BTBD7: variants seen among roughly 807,000 people sequenced by gnomAD.
BTBD7 encodes BTB/POZ domain-containing protein 7.
BTBD7 carries 38 observed loss-of-function variants against 99.9 expected under a neutral mutation model. That is an observed-to-expected ratio of 0.38 (90% CI 0.29 to 0.50). BTBD7 has a LOEUF of 0.50. BTBD7 is among the 20% of genes least tolerant of loss of function. The pLI is 0.93. For missense variants in BTBD7, 1,170 were observed against 1,394.6 expected (o/e 0.84, Z 2.57); for synonymous variants, 520 against 511.4 (o/e 1.02, Z -0.23).
At chr14:93,259,259 T>C (rs756932950) in intron 5 of BTBD7, among the ~76,000 whole-genome samples, 1 of 152,192 alleles carries the variant, frequency 6.6e-6, no homozygotes, top group African/African-American at 2.4e-5. Context: ...CCAACAGCAC[T>C]GTAACTCACG....
intron 1 of BTBD7, among the ~76,000 whole-genome samples, chr14:93,303,586 A>G (rs774549635): frequency 6.6e-6 from 1 of 152,384 alleles, no homozygotes; most frequent in East Asian, 1.9e-4. Context: ...CTACATCTTA[A>G]AAGATGTTAA....
intron 1 of BTBD7, among the ~76,000 whole-genome samples, chr14:93,330,261 A>C (rs185746633): frequency 1.4e-4 from 21 of 152,362 alleles, no homozygotes; most frequent in Non-Finnish European, 2.4e-4. Context: ...ATAGCTTTCC[A>C]ACTGACTAAA....
intron 1 of BTBD7, among the ~76,000 whole-genome samples, chr14:93,311,318 C>T (rs962511916): frequency 6.6e-6 from 1 of 152,124 alleles, no homozygotes; most frequent in Admixed American, 6.5e-5. Flanking sequence ...TCTGGTATTA[C>T]AACTTATTCC....
intron 1 of BTBD7, among the ~76,000 whole-genome samples, chr14:93,329,141 T>C (rs1293782635): frequency 6.6e-6 from 1 of 152,094 alleles, no homozygotes; most frequent in African/African-American, 2.4e-5. Flanking sequence ...TGATAAGGGA[T>C]TGATATTCAG....
intron 1 of BTBD7, among the ~76,000 whole-genome samples, chr14:93,323,943 G>A (rs1170097467): frequency 2.0e-5 from 3 of 152,290 alleles, no homozygotes; most frequent in South Asian, 4.1e-4. Flanking sequence ...GACACTGTGC[G>A]ACATCCCGTA....
rs1306265795 is a variant in BTBD7, at chr14:93,243,019, C to G, written c.2653G>C (p.Asp885His). 1 of 1,613,898 alleles carries G rather than the reference C, an allele frequency of 6.2e-7. No individual in the cohort carries two copies. Among genetic ancestry groups the G allele is most frequent in the African/African-American group, 1.3e-5 (1 of 74,856 alleles). The change falls in exon 11 of 11, where the codon GAC (aspartate) becomes CAC (histidine). Residue 885 changes from aspartate (D) to histidine (H), a missense_variant. Physicochemically the swap from Asp to His is moderately conservative, Grantham distance 81. This residue lies in a region of BTBD7 where 495 missense variants were observed against 525.9 expected (regional missense o/e 0.94). Transcript: ENST00000334746. ...ACAGCAAGCTCTGGAAGCCTCCTGT[C>G]CTTGAGTGACAGTGTGGACACACCC... ...AVGVSTLSLK[D>H]RRLPELAVDT...
At chr14:93,296,782 T>G (rs2052933234) in intron 1 of BTBD7, among the ~76,000 whole-genome samples, 1 of 152,174 alleles carries the variant, frequency 6.6e-6, no homozygotes, top group South Asian at 2.1e-4. Flanking sequence ...CAAAAAATTT[T>G]ATCTATCCAC....
chr14:93,300,552 C>T (rs1409647138), intron 1 of BTBD7, among the ~76,000 whole-genome samples: 1 of 150,912 alleles, frequency 6.6e-6, no homozygotes, highest in Non-Finnish European at 1.5e-5. Context: ...CACTGGGTGC[C>T]CGGCCCTTTT....
chr14:93,246,205 C>T lies in BTBD7; in HGVS notation c.2203G>A (p.Val735Ile), dbSNP rs190609675. Residue 735 changes from valine (V) to isoleucine (I), a missense_variant, in exon 10 of 11, where the codon GTA (valine) becomes ATA (isoleucine). This residue lies in a region of BTBD7 where 495 missense variants were observed against 525.9 expected (regional missense o/e 0.94). Transcript: ENST00000334746. ...LTMRQPGRCR[V>I]NSTPPAETMF... ...GTTTCTGCAGGAGGTGTACTGTTTA[C>T]GCGACATCTCCCAGGCTGTCTCATT... The T allele has an allele frequency of 3.3e-5, 53 of 1,607,670 alleles. No homozygotes were observed. Among genetic ancestry groups the T allele is most frequent in the Admixed American group, 2.0e-4 (12 of 59,540 alleles).
chr14:93,261,660 G>C lies in BTBD7; in HGVS notation c.1389C>G (p.Ile463Met). The C allele has an allele frequency of 5.0e-6, 8 of 1,608,268 alleles. No homozygotes were observed. The highest frequency in any genetic ancestry group is 6.8e-6 in the Non-Finnish European group (8 of 1,176,306). ...SDYLQASEQD[I>M]LKYLIKWGEH... ...CTCCCCATTTAATCAGATATTTAAG[G>C]ATATCTTGTTCACTTGCCTATAATA... The change falls in exon 5 of 11, where the codon ATC (isoleucine) becomes ATG (methionine). Residue 463 changes from isoleucine to methionine, a missense_variant. Ile to Met is a conservative substitution (Grantham distance 10). Around this residue, in one of 4 missense-constraint regions of BTBD7, gnomAD observed 309 missense variants for 342.0 expected, o/e 0.90. Coordinates refer to ENST00000334746, the MANE Select transcript of BTBD7 (RefSeq NM_001002860.4).
Position 93,248,554 on chromosome 14 carries a change from G to A in BTBD7, c.2043C>T (p.Gly681=), listed in dbSNP as rs995513406. The A allele has an allele frequency of 1.1e-5, 18 of 1,613,942 alleles. No homozygotes were observed. The highest frequency in any genetic ancestry group is 1.1e-4 in the East Asian group (5 of 44,896). Residue 681 remains glycine (G), a synonymous_variant, in exon 9 of 11, where the codon GGC becomes GGT. Transcript: ENST00000334746. The part of the protein sequence containing the change: ...QRAYALNCGE[G]ATVSYEIQIR... ...TCTGAATTTCATAGCTGACAGTGGC[G>A]CCTTCCCCGCAGTTCAGGGCATAGG...
At chr14:93,270,340 C>G (rs1233499710) in intron 3 of BTBD7, among the ~76,000 whole-genome samples, 1 of 152,044 alleles carries the variant, frequency 6.6e-6, no homozygotes, top group Non-Finnish European at 1.5e-5. Context: ...AGGTGATCCA[C>G]CCGCCTCAGC....
intron 1 of BTBD7, among the ~76,000 whole-genome samples, chr14:93,307,188 G>A (rs1415716270): frequency 6.6e-6 from 1 of 152,134 alleles, no homozygotes; most frequent in Non-Finnish European, 1.5e-5. Flanking sequence ...AAGAGGCAGA[G>A]TCTCACTGTG....
In BTBD7 at chr14:93,263,957, T is replaced by A. The variant is rs769992926; in HGVS notation, c.1199A>T (p.Asp400Val). The A allele has an allele frequency of 4.6e-5, 75 of 1,614,048 alleles. No homozygotes were observed. The highest frequency in any genetic ancestry group is 3.3e-4 in the Middle Eastern group (2 of 6,084). ...CCACTTGAGGATGGCAATTAAGGTA[T>A]CTAATGAGATGCTCTCAGCAATGAT... Reference protein sequence around the residue: ...EDIIAESISLDTLIAILKWSS... With the variant: ...EDIIAESISLVTLIAILKWSS... The change falls in exon 4 of 11, where the codon GAT becomes GTT. Residue 400 changes from aspartate (D) to valine (V), a missense_variant. Around this residue, in one of 4 missense-constraint regions of BTBD7, gnomAD observed 359 missense variants for 497.9 expected, o/e 0.72. Transcript: ENST00000334746.
At chr14:93,310,076 C>T (rs562207011) in intron 1 of BTBD7, among the ~76,000 whole-genome samples, 1 of 152,252 alleles carries the variant, frequency 6.6e-6, no homozygotes, top group East Asian at 1.9e-4. Flanking sequence ...AGTGATCCTC[C>T]TGCCTCAGCT....
intron 3 of BTBD7, among the ~76,000 whole-genome samples, chr14:93,277,255 T>C (rs924410554): frequency 1.1e-4 from 16 of 152,288 alleles, no homozygotes; most frequent in African/African-American, 3.9e-4. Context: ...TTCTTTAATG[T>C]TTACTTCATA....
Position 93,248,553 on chromosome 14 carries a change from C to T in BTBD7, c.2044G>A (p.Ala682Thr). 1.2e-6 allele frequency: 2 copies of T among 1,614,104 alleles called. No homozygotes were observed. Among genetic ancestry groups the T allele is most frequent in the Non-Finnish European group, 1.7e-6 (2 of 1,180,034 alleles). ...ATCTGAATTTCATAGCTGACAGTGG[C>T]GCCTTCCCCGCAGTTCAGGGCATAG... ...RAYALNCGEGATVSYEIQIRV... is the reference protein window; with the variant it reads ...RAYALNCGEGTTVSYEIQIRV... The change falls in exon 9 of 11, where the codon GCC becomes ACC. Residue 682 changes from alanine to threonine, a missense_variant. Physicochemically the swap from Ala to Thr is moderately conservative, Grantham distance 58 (BLOSUM62 0). Coordinates refer to ENST00000334746, the MANE Select transcript of BTBD7 (RefSeq NM_001002860.4).
intron 3 of BTBD7, among the ~76,000 whole-genome samples, chr14:93,275,780 T>C (rs2052649869): frequency 6.6e-6 from 1 of 152,228 alleles, no homozygotes; most frequent in African/African-American, 2.4e-5. Context: ...CTAAACATTA[T>C]AAAGGTACTG....
At chr14:93,279,618 G>A (rs2052695585) in intron 3 of BTBD7, among the ~76,000 whole-genome samples, 1 of 151,998 alleles carries the variant, frequency 6.6e-6, no homozygotes, top group Admixed American at 6.6e-5. Flanking sequence ...CGTGATCCCA[G>A]CTCACTGCAA....
Sources: gnomAD v4.1 joint callset for allele counts (sites outside exome capture counted in the v4.1 genomes callset) on GRCh38, gnomAD v4.1.1 for gene constraint, gnomAD v4.1.1 regional missense constraint, MANE v1.5 for transcripts, NCBI Gene and HGNC (gene_info 2026-07-23, HGNC 2026-07-21) for gene names.